SF3B3: variants seen among roughly 807,000 people sequenced by gnomAD.
The protein encoded by SF3B3 is SAP 130.
SF3B3 carries 33 observed loss-of-function variants against 139.2 expected under a neutral mutation model. The ratio of observed to expected loss-of-function variants is 0.24; its 90% CI spans 0.18 to 0.32. The LOEUF (loss-of-function observed/expected upper bound fraction) is 0.32. Among genes scored for constraint, SF3B3 ranks in the 10% least tolerant of loss-of-function variants. SF3B3 has a pLI of 1.00. For synonymous variants in SF3B3, 596 were observed against 563.6 expected, an observed-to-expected ratio of 1.06 and a Z score of -0.81; for missense variants, 818 against 1,509.4, an observed-to-expected ratio of 0.54 and a Z score of 7.59.
Position 70,528,998 on chromosome 16 carries a change from A to G in SF3B3, c.196A>G (p.Met66Val), listed in dbSNP as rs1334160769. The change falls in exon 3 of 26, where the codon ATG becomes GTG. Residue 66 changes from methionine (M) to valine (V), a missense_variant. By Grantham distance (21) the Met-to-Val change is conservative. Coordinates refer to ENST00000302516, the MANE Select transcript of SF3B3 (RefSeq NM_012426.5). The part of the protein sequence containing the change: ...VEVFGVIRSL[M>V]AFRLTGGTKD... Reference sequence around the variant, plus strand: ...AGTATTCGGTGTTATCCGGTCACTCATGGCCTTTAGGCTGACAGGTGGCAC... The same window carrying G: ...AGTATTCGGTGTTATCCGGTCACTCGTGGCCTTTAGGCTGACAGGTGGCAC... 1 of 1,614,204 alleles carries G rather than the reference A, an allele frequency of 6.2e-7. No homozygotes were observed. Among genetic ancestry groups the G allele is most frequent in the Admixed American group, 1.7e-5 (1 of 60,024 alleles).
chr16:70,546,536 C>A (rs532942043), intron 10 of SF3B3, among the ~76,000 whole-genome samples: 126 of 152,188 alleles, frequency 8.3e-4, no homozygotes, highest in African/African-American at 2.7e-3. Flanking sequence ...TCTGTAATCC[C>A]AGCTACTCAG....
intron 8 of SF3B3, 42 bp from the exon 9 acceptor site, chr16:70,541,627 A>G: frequency 6.5e-7 from 1 of 1,546,280 alleles, no homozygotes; most frequent in Non-Finnish European, 8.9e-7. Context: ...CGTCAGGCAG[A>G]GAACTCGTTA....
In SF3B3 at chr16:70,535,321, A is replaced by G; in HGVS notation, c.726A>G (p.Ser242=). Reference sequence around the variant, plus strand: ...TTTCTCTCACAGTTCCAGGAGGGTCAGATGGTCCAAGTGGAGTACTGATCT... The same window carrying G: ...TTTCTCTCACAGTTCCAGGAGGGTCGGATGGTCCAAGTGGAGTACTGATCT... ...GNFLITVPGG[S]DGPSGVLICS... Residue 242 remains serine, a synonymous_variant, in exon 6 of 26, where the codon TCA becomes TCG. Coordinates refer to ENST00000302516, the MANE Select transcript of SF3B3 (RefSeq NM_012426.5). The G allele has an allele frequency of 6.4e-7, 1 of 1,574,426 alleles. No individual in the cohort carries two copies. The highest frequency in any genetic ancestry group is 1.2e-5 in the South Asian group (1 of 85,364).
chr16:70,565,711 G>C lies in SF3B3; in HGVS notation c.2826+187G>C, dbSNP rs573214011. The C allele has an allele frequency of 1.2e-4, 73 of 590,332 alleles. 1 individual carries two copies. Among genetic ancestry groups the C allele is most frequent in the Admixed American group, 3.3e-4 (11 of 33,456 alleles). 36.6% of individuals were successfully genotyped at this position (590,332 alleles called of 1,614,324 possible). On this transcript the variant is annotated intron_variant, in intron 20 of 25. Transcript: ENST00000302516. The stretch of plus-strand genomic sequence containing the variant: ...CTTGTGCCTGTGCATTCCACAGGAA[G>C]GCTTTGTGCTAACCATCCATAATGG...
intron 9 of SF3B3, among the ~76,000 whole-genome samples, chr16:70,542,734 T>A (rs542786131): frequency 4.3e-4 from 65 of 151,872 alleles, no homozygotes; most frequent in Non-Finnish European, 7.7e-4. Context: ...TTTTTCTTTT[T>A]TTTTTGAGAT....
At chr16:70,527,368 A>G (rs2050074106) in intron 2 of SF3B3, among the ~76,000 whole-genome samples, 1 of 152,188 alleles carries the variant, frequency 6.6e-6, no homozygotes, top group Admixed American at 6.5e-5. Context: ...TTTTCTTGCC[A>G]TTTGCAGATT....
rs1295370159 is a variant in SF3B3 at position 70,560,519 on chromosome 16, T to C, written c.2061T>C (p.Ser687=). The C allele has an allele frequency of 4.3e-6, 7 of 1,613,988 alleles. No homozygotes were observed. Among genetic ancestry groups the C allele is most frequent in the Non-Finnish European group, 5.9e-6 (7 of 1,179,880 alleles). The part of the protein sequence containing the change: ...TVLDPVTGDL[S]DTRTRYLGSR... ...TGGACCCTGTCACTGGGGATTTGTC[T>C]GATACTCGCACTCGGTACCTGGGGT... The change falls in exon 16 of 26, where the codon TCT becomes TCC. Residue 687 remains serine (S), a synonymous_variant. Coordinates refer to ENST00000302516, the MANE Select transcript of SF3B3 (RefSeq NM_012426.5).
Position 70,573,013 on chromosome 16 carries a change from G to C in SF3B3, c.*1200G>C, listed in dbSNP as rs2050544367. The C allele has an allele frequency of 6.6e-6, 1 of 152,178 alleles. No individual in the cohort carries two copies. Among genetic ancestry groups the C allele is most frequent in the Admixed American group, 6.6e-5 (1 of 15,262 alleles). The allele number at this position is 152,178 out of a possible 1,614,324, so 9.4% of individuals were successfully genotyped here. On this transcript the variant is annotated 3_prime_UTR_variant, in exon 26 of 26. Transcript: ENST00000302516. ...GCTCAGCCATCTAAATTGAGCAAAT[G>C]ATCTGGTGAGCACTGGGTTAGAATC...
intron 2 of SF3B3, chr16:70,527,158 A>G (rs2050072165): frequency 6.1e-6 from 1 of 163,848 alleles, no homozygotes; most frequent in Admixed American, 6.4e-5. Flanking sequence ...GAACTTTTGT[A>G]TGAGAGAAAA....
intron 8 of SF3B3, among the ~76,000 whole-genome samples, chr16:70,539,594 G>A (rs12924974): frequency 2.6e-5 from 4 of 151,932 alleles, no homozygotes; most frequent in African/African-American, 9.7e-5. Flanking sequence ...TTGAGGCTTA[G>A]GGAGCTTTTC....
At chr16:70,532,772 G>A (rs2050133724) in intron 5 of SF3B3, 152 bp downstream of exon 5, 3 of 746,072 alleles carry the variant, frequency 4.0e-6, no homozygotes, top group Non-Finnish European at 6.6e-6. Context: ...TCATGTGGTG[G>A]AGTGATTTTA....
chr16:70,561,722 A>G lies in SF3B3; in HGVS notation c.2226A>G (p.Ala742=), dbSNP rs940261048. 8.7e-6 allele frequency: 14 copies of G among 1,613,746 alleles called. No individual in the cohort carries two copies. The highest frequency in any genetic ancestry group is 1.6e-4 in the Middle Eastern group (1 of 6,062). The change falls in exon 17 of 26, where the codon GCA becomes GCG. Residue 742 remains alanine, a synonymous_variant. Transcript: ENST00000302516. ...TPLSYETLEF[A]SGFASEQCPE... is the part of the protein sequence containing the mutation. ...TGTCTTACGAGACACTGGAATTTGC[A>G]TCGGGTTTTGCCTCGGAACAGTGTC... is the stretch of plus-strand genomic sequence containing the variant.
At chr16:70,558,582 T>A (rs1004003065) in intron 15 of SF3B3, among the ~76,000 whole-genome samples, 1 of 152,216 alleles carries the variant, frequency 6.6e-6, no homozygotes, top group Non-Finnish European at 1.5e-5. Context: ...TTTAAAATTT[T>A]ATTTGTCTTT....
intron 15 of SF3B3, among the ~76,000 whole-genome samples, chr16:70,559,927 G>A (rs903517608): frequency 6.6e-6 from 1 of 151,852 alleles, no homozygotes; most frequent in African/African-American, 2.4e-5. Flanking sequence ...GGTGCGGGGG[G>A]GTGGTAAATT....
intron 1 of SF3B3, chr16:70,524,173 C>T (rs577172285): frequency 3.6e-6 from 1 of 274,964 alleles, no homozygotes; most frequent in Admixed American, 5.3e-5. Flanking sequence ...CTTTTAACTT[C>T]TGGGGACTCT....
chr16:70,538,213 G>A, intron 6 of SF3B3, 110 bp from the exon 7 acceptor site: 1 of 956,856 alleles, frequency 1.0e-6, no homozygotes, highest in South Asian at 1.4e-5. Flanking sequence ...ATCAAAGCTT[G>A]TGCCTTTAGG....
chr16:70,568,000 G>C (rs1195493677), intron 21 of SF3B3, among the ~76,000 whole-genome samples: 1 of 152,152 alleles, frequency 6.6e-6, no homozygotes, highest in African/African-American at 2.4e-5. Context: ...GTTTTGAGAG[G>C]AGCAGGAGTA....
At chr16:70,571,010 T>C in intron 24 of SF3B3, 85 bp from the exon 25 acceptor site, 1 of 884,492 alleles carries the variant, frequency 1.1e-6, no homozygotes, top group Non-Finnish European at 1.9e-6. Flanking sequence ...TAAAAATGAA[T>C]GGCTTGTCTG....
At chr16:70,536,029 C>A (rs2050162497) in intron 6 of SF3B3, among the ~76,000 whole-genome samples, 2 of 152,000 alleles carry the variant, frequency 1.3e-5, no homozygotes, top group South Asian at 4.2e-4. Context: ...CAATATCATA[C>A]CCAAGAAATT....
Sources: gnomAD v4.1 joint callset for allele counts (sites outside exome capture counted in the v4.1 genomes callset) on GRCh38, gnomAD v4.1.1 for gene constraint, MANE v1.5 for transcripts, NCBI Gene and HGNC (gene_info 2026-07-23, HGNC 2026-07-21) for gene names.